Variants in GRIK1 observed in about 807,000 individuals in gnomAD.
GRIK1 encodes glutamate ionotropic receptor kainate type subunit 1.
In GRIK1, 69 loss-of-function variants were observed where a neutral mutation model predicts 105.7. The observed-to-expected ratio is 0.65, with a 90% CI of 0.54 to 0.80. GRIK1 has a LOEUF of 0.80. Among genes scored for constraint, GRIK1 ranks in the 30% least tolerant of loss-of-function variants. GRIK1 has a pLI of 0.00. For synonymous variants in GRIK1, 438 were observed against 431.3 expected (o/e 1.02, Z -0.19); for missense variants, 1,109 against 1,167.3 (o/e 0.95, Z 0.73).
chr21:29,744,866 A>G (rs1442222278), intron 1 of GRIK1, among the ~76,000 whole-genome samples: 2 of 152,014 alleles, frequency 1.3e-5, no homozygotes, highest in African/African-American at 4.8e-5. Flanking sequence ...ATGAGGTAGG[A>G]GACACTTTGA....
intron 1 of GRIK1, among the ~76,000 whole-genome samples, chr21:29,718,526 G>A (rs562777299): frequency 7.6e-4 from 116 of 152,294 alleles, no homozygotes; most frequent in Admixed American, 3.9e-4. Flanking sequence ...TTAATAATGG[G>A]ATGGTGAGAG....
intron 1 of GRIK1, among the ~76,000 whole-genome samples, chr21:29,722,717 G>A (rs935032569): frequency 1.1e-4 from 17 of 151,812 alleles, no homozygotes; most frequent in African/African-American, 4.1e-4. Flanking sequence ...ATTATATGGA[G>A]AATCAGAAAA....
chr21:29,717,468 C>T (rs1308739907), intron 1 of GRIK1, among the ~76,000 whole-genome samples: 1 of 152,210 alleles, frequency 6.6e-6, no homozygotes, highest in East Asian at 1.9e-4. Context: ...CTGTGAGAGC[C>T]CACCTTTTAC....
At chr21:29,670,894 A>G (rs1015161268) in intron 4 of GRIK1, among the ~76,000 whole-genome samples, 1 of 152,196 alleles carries the variant, frequency 6.6e-6, no homozygotes, top group African/African-American at 2.4e-5. Context: ...TACTTGCTTT[A>G]TTGAGAGGAA....
chr21:29,639,932 T>A (rs2832418), intron 7 of GRIK1, among the ~76,000 whole-genome samples: 67,883 of 151,962 alleles, frequency 0.45, 16,389 homozygotes, highest in African/African-American at 0.64. Flanking sequence ...GTCAGCCCCA[T>A]ACACTGAAAG....
intron 1 of GRIK1, among the ~76,000 whole-genome samples, chr21:29,796,769 T>C (rs2145840243): frequency 6.6e-6 from 1 of 152,154 alleles, no homozygotes; most frequent in African/African-American, 2.4e-5. Flanking sequence ...GCCAACATGG[T>C]GAAACCCCAT....
At chr21:29,928,841 C>A (rs767435849) in intron 1 of GRIK1, among the ~76,000 whole-genome samples, 1 of 152,082 alleles carries the variant, frequency 6.6e-6, no homozygotes, top group South Asian at 2.1e-4. Flanking sequence ...ACAGCAAATG[C>A]CTCTCCTTTC....
At chr21:29,841,293 A>G (rs2067975971) in intron 1 of GRIK1, among the ~76,000 whole-genome samples, 1 of 152,176 alleles carries the variant, frequency 6.6e-6, no homozygotes, top group Non-Finnish European at 1.5e-5. Flanking sequence ...AAATTTGTAA[A>G]GTCTGCATCA....
intron 1 of GRIK1, among the ~76,000 whole-genome samples, chr21:29,918,649 A>G (rs909661634): frequency 6.6e-6 from 1 of 152,152 alleles, no homozygotes; most frequent in African/African-American, 2.4e-5. Flanking sequence ...TACCAAGCAT[A>G]CTATGCTCTG....
At position 29,577,004 on chromosome 21, in the gene GRIK1, TA is replaced by T; in HGVS notation, c.2089del (p.Tyr697MetfsTer10). The T allele has an allele frequency of 6.2e-7, 1 of 1,613,418 alleles. No individual in the cohort carries two copies. The highest frequency in any genetic ancestry group is 8.5e-7 in the Non-Finnish European group (1 of 1,179,430). On this transcript the variant is annotated frameshift_variant, in exon 14 of 18. Transcript: ENST00000327783. LOFTEE classifies it high-confidence loss of function. ...DDLAKQTKIE[Y>X]GAVRDGSTMT... is the part of the protein sequence containing the mutation. ...TGTTGATCCATCTCTAACCGCCCCATATTCTATCTTGGTTTGCTTTGCCAGA... is the reference window on the plus strand; with the variant it reads ...TGTTGATCCATCTCTAACCGCCCCATTTCTATCTTGGTTTGCTTTGCCAGA...
chr21:29,652,871 G>A (rs1200731792), intron 5 of GRIK1, among the ~76,000 whole-genome samples: 2 of 152,150 alleles, frequency 1.3e-5, no homozygotes, highest in African/African-American at 2.4e-5. Flanking sequence ...TTGCATTTGC[G>A]GAAGATGCAT....
chr21:29,762,477 C>T (rs111371077), intron 1 of GRIK1, among the ~76,000 whole-genome samples: 33 of 152,268 alleles, frequency 2.2e-4, no homozygotes, highest in African/African-American at 7.5e-4. Flanking sequence ...CTTATTCATC[C>T]TAGTCTTCAA....
intron 14 of GRIK1, among the ~76,000 whole-genome samples, chr21:29,565,618 A>G (rs1601133322): frequency 6.6e-6 from 1 of 151,958 alleles, no homozygotes; most frequent in African/African-American, 2.4e-5. Flanking sequence ...ATTTTTAGTA[A>G]AGACAGGGTT....
At chr21:29,830,039 A>T (rs1461948685) in intron 1 of GRIK1, among the ~76,000 whole-genome samples, 2 of 152,188 alleles carry the variant, frequency 1.3e-5, no homozygotes, top group Non-Finnish European at 2.9e-5. Flanking sequence ...AGGCCTAGGA[A>T]ATATGAATCA....
intron 1 of GRIK1, among the ~76,000 whole-genome samples, chr21:29,764,273 A>G (rs1255099042): frequency 2.0e-5 from 3 of 152,178 alleles, no homozygotes; most frequent in Non-Finnish European, 4.4e-5. Context: ...TACTACTTTC[A>G]GTTTACTAGT....
chr21:29,913,618 T>C (rs887850885), intron 1 of GRIK1, among the ~76,000 whole-genome samples: 2 of 151,230 alleles, frequency 1.3e-5, no homozygotes, highest in African/African-American at 4.9e-5. Context: ...AGGTGAGATA[T>C]ATAGAATACA....
rs1334990207 is a variant in GRIK1 at position 29,922,435 on chromosome 21, A to G, written c.118+16948T>C. On this transcript the variant is annotated intron_variant, in intron 1 of 17. Transcript: ENST00000327783. ...TTTTATAATTATCTTAAAACTGCAT[A>G]CCTTTCTATTCTTCATAGCCTTTAA... is the stretch of plus-strand genomic sequence containing the variant. Among the ~76,000 whole-genome samples, 6 of 152,232 alleles carry G rather than the reference A, an allele frequency of 3.9e-5. No individual in the cohort carries two copies. The South Asian group carries it at 1.0e-3, about 26-fold the overall frequency.
chr21:29,614,302 C>T (rs2061793469), intron 7 of GRIK1, among the ~76,000 whole-genome samples: 1 of 151,296 alleles, frequency 6.6e-6, no homozygotes, highest in Non-Finnish European at 1.5e-5. Context: ...TTCAGCATGG[C>T]AACAATAAAC....
intron 1 of GRIK1, among the ~76,000 whole-genome samples, chr21:29,726,839 A>T (rs2064477828): frequency 2.0e-5 from 3 of 151,748 alleles, no homozygotes; most frequent in Non-Finnish European, 4.4e-5. Context: ...AATATCAGAA[A>T]ATTATAAACA....
Sources: allele counts gnomAD v4.1 joint callset (sites outside exome capture counted in the v4.1 genomes callset), GRCh38; gene constraint gnomAD v4.1.1; transcripts MANE v1.5; gene names NCBI Gene and HGNC (gene_info 2026-07-23, HGNC 2026-07-21).